Variants in PLD5 observed in about 807,000 individuals in gnomAD.
PLD5 encodes inactive phospholipase D5.
PLD5 carries 36 observed loss-of-function variants against 61.1 expected under a neutral mutation model. The observed-to-expected ratio is 0.59, with a 90% CI of 0.45 to 0.78. PLD5 has a LOEUF of 0.78. PLD5 is among the 30% of genes least tolerant of loss of function. The pLI is 0.00. For synonymous variants in PLD5, 243 were observed against 242.8 expected, an observed-to-expected ratio of 1.00 and a Z score of -0.01; for missense variants, 515 against 644.4, an observed-to-expected ratio of 0.80 and a Z score of 2.17.
intron 5 of PLD5, among the ~76,000 whole-genome samples, chr1:242,172,387 G>C (rs1666814994): frequency 6.6e-6 from 1 of 152,128 alleles, no homozygotes; most frequent in Non-Finnish European, 1.5e-5. Context: ...GGTGTGTAGA[G>C]GGAAACTGAT....
At chr1:242,472,749 A>C (rs1667481402) in intron 1 of PLD5, among the ~76,000 whole-genome samples, 1 of 152,196 alleles carries the variant, frequency 6.6e-6, no homozygotes, top group African/African-American at 2.4e-5. Context: ...TCTATATTTT[A>C]AAATCTAAAA....
intron 3 of PLD5, among the ~76,000 whole-genome samples, chr1:242,269,520 G>A (rs1673928026): frequency 6.6e-6 from 1 of 150,990 alleles, no homozygotes; most frequent in African/African-American, 2.4e-5. Flanking sequence ...TCAAACTGAT[G>A]AAAAACTATC....
At chr1:242,375,328 G>A (rs1307251901) in intron 1 of PLD5, among the ~76,000 whole-genome samples, 2 of 152,194 alleles carry the variant, frequency 1.3e-5, no homozygotes, top group Non-Finnish European at 1.5e-5. Context: ...CAAACCCAAA[G>A]AGCTGTGCTA....
intron 9 of PLD5, 139 bp downstream of exon 9, chr1:242,100,529 C>A (rs1390385176): frequency 7.8e-6 from 5 of 638,194 alleles, no homozygotes; most frequent in Non-Finnish European, 1.4e-5. Flanking sequence ...CGTCCTGTTT[C>A]CTCATCTCCA....
intron 3 of PLD5, among the ~76,000 whole-genome samples, chr1:242,284,869 C>G (rs1674929926): frequency 6.6e-6 from 1 of 152,148 alleles, no homozygotes; most frequent in African/African-American, 2.4e-5. Context: ...TAAAGCCCCT[C>G]TATCCTTCAT....
chr1:242,262,915 C>T (rs557992382), intron 4 of PLD5, among the ~76,000 whole-genome samples: 2 of 151,880 alleles, frequency 1.3e-5, no homozygotes, highest in African/African-American at 4.8e-5. Context: ...TTACAGGGAC[C>T]CTTGTGTAAA....
chr1:242,509,828 G>A (rs1164924911), intron 1 of PLD5, among the ~76,000 whole-genome samples: 1 of 152,140 alleles, frequency 6.6e-6, no homozygotes, highest in Non-Finnish European at 1.5e-5. Context: ...GGAATTACTC[G>A]GCGGCTTATT....
At chr1:242,477,077 G>A (rs866869254) in intron 1 of PLD5, among the ~76,000 whole-genome samples, 2 of 152,022 alleles carry the variant, frequency 1.3e-5, no homozygotes, top group African/African-American at 2.4e-5. Flanking sequence ...TGGTGAAACC[G>A]CATCTCTTCT....
At position 242,377,020 on chromosome 1, in the gene PLD5, C is replaced by T. The variant is rs1349661914; in HGVS notation, c.190-28778G>A. The T allele has an allele frequency of 4.0e-5, 64 of 1,611,678 alleles. 1 individual carries two copies. The Middle Eastern group carries it at 9.0e-4, about 23-fold the overall frequency. On this transcript the variant is annotated intron_variant, in intron 1 of 9. Coordinates refer to ENST00000536534, the MANE Select transcript of PLD5 (RefSeq NM_001372062.1). ...GCAGCTTCAGTTTCAAAAGTTTTTG[C>T]GCACACTTTGCACTTTCTGTCTGAC...
chr1:242,478,889 G>A (rs1297111194), intron 1 of PLD5, among the ~76,000 whole-genome samples: 2 of 152,152 alleles, frequency 1.3e-5, no homozygotes, highest in African/African-American at 4.8e-5. Context: ...CTAATAGTCT[G>A]ATAATAAAGA....
intron 1 of PLD5, among the ~76,000 whole-genome samples, chr1:242,498,499 CCTTTT>C (rs1368028575): frequency 6.6e-6 from 1 of 152,022 alleles, no homozygotes; most frequent in Non-Finnish European, 1.5e-5. Context: ...TTTTTAAACT[CCTTTT>C]CTTAATTGAA....
intron 1 of PLD5, among the ~76,000 whole-genome samples, chr1:242,397,696 C>T (rs748708121): frequency 4.6e-5 from 7 of 152,132 alleles, no homozygotes; most frequent in Admixed American, 2.0e-4. Context: ...TACTTTAAGA[C>T]TATTCTATAT....
chr1:242,382,697 G>T (rs980418410), intron 1 of PLD5, among the ~76,000 whole-genome samples: 3 of 152,096 alleles, frequency 2.0e-5, no homozygotes, highest in Non-Finnish European at 2.9e-5. Context: ...ACGGTAGGGA[G>T]AACTAATTAT....
intron 2 of PLD5, among the ~76,000 whole-genome samples, chr1:242,336,037 G>C (rs1659481995): frequency 6.6e-6 from 1 of 152,106 alleles, no homozygotes; most frequent in Admixed American, 6.5e-5. Context: ...GACACGAATA[G>C]GCACGCCACA....
intron 6 of PLD5, 51 bp from the exon 7 acceptor site, chr1:242,114,077 G>T: frequency 6.3e-7 from 1 of 1,585,852 alleles, no homozygotes; most frequent in Non-Finnish European, 8.6e-7. Flanking sequence ...TTGGCAGCTG[G>T]GGATTTATTT....
At chr1:242,090,570 G>C (rs1659742583) in intron 9 of PLD5, among the ~76,000 whole-genome samples, 6 of 152,230 alleles carry the variant, frequency 3.9e-5, no homozygotes. Flanking sequence ...AGCCAGAGGA[G>C]ACTCAGTTCC....
chr1:242,232,953 G>A (rs544648896), intron 4 of PLD5, among the ~76,000 whole-genome samples: 7 of 152,098 alleles, frequency 4.6e-5, no homozygotes, highest in Non-Finnish European at 7.4e-5. Flanking sequence ...TCAGAAGTTC[G>A]AGACCAGCCT....
Position 242,105,816 on chromosome 1 carries a change from T to C in PLD5, c.1239+1855A>G, listed in dbSNP as rs188674998. Reference sequence around the variant, plus strand: ...TGATGGTTTTGCATAAACTCTATCATTAGAGAGAGAGAAGTCTATGAACTA... The same window carrying C: ...TGATGGTTTTGCATAAACTCTATCACTAGAGAGAGAGAAGTCTATGAACTA... On this transcript the variant is annotated intron_variant, in intron 8 of 9. Transcript: ENST00000536534. 1.6e-3 allele frequency among the ~76,000 whole-genome samples: 221 copies of C among 139,738 alleles called. 1 individual carries two copies. The highest frequency in any genetic ancestry group is 2.8e-3 in the Non-Finnish European group (173 of 62,168). 91.7% of individuals were successfully genotyped at this position (139,738 alleles called of 152,430 possible).
chr1:242,100,601 G>A, intron 9 of PLD5, 67 bp downstream of exon 9: 1 of 1,173,058 alleles, frequency 8.5e-7, no homozygotes, highest in Non-Finnish European at 1.3e-6. Context: ...GGATACCGTG[G>A]AGCACAGCTG....
Sources: gnomAD v4.1 joint callset for allele counts (sites outside exome capture counted in the v4.1 genomes callset) on GRCh38, gnomAD v4.1.1 for gene constraint, MANE v1.5 for transcripts, NCBI Gene and HGNC (gene_info 2026-07-23, HGNC 2026-07-21) for gene names.